Variants in FRMD4B observed in about 807,000 individuals in gnomAD.
FRMD4B encodes FERM domain containing 4B.
A neutral mutation model predicts 141.5 loss-of-function variants in FRMD4B; 74 were observed. The ratio of observed to expected loss-of-function variants is 0.52; its 90% CI spans 0.43 to 0.63. The LOEUF (loss-of-function observed/expected upper bound fraction) is 0.63. Ranked by LOEUF, FRMD4B falls within the 30% of genes least tolerant of loss-of-function variation. The probability of loss-of-function intolerance (pLI) is 0.00; values close to 1 mark genes in which losing one functional copy is unlikely to be tolerated. For missense variants in FRMD4B, 1,366 were observed against 1,253.4 expected (o/e 1.09, Z -1.36); for synonymous variants, 506 against 467.9 (o/e 1.08, Z -1.05).
At chr3:69,509,447 T>C (rs1706653717) in intron 1 of FRMD4B, among the ~76,000 whole-genome samples, 1 of 152,220 alleles carries the variant, frequency 6.6e-6, no homozygotes, top group Non-Finnish European at 1.5e-5. Flanking sequence ...GAATCAAGTA[T>C]GACAAGTTAT....
intron 1 of FRMD4B, among the ~76,000 whole-genome samples, chr3:69,467,856 G>A (rs1329796146): frequency 1.3e-5 from 2 of 152,162 alleles, no homozygotes; most frequent in African/African-American, 4.8e-5. Flanking sequence ...CTAAAAAGGA[G>A]GGTGCTCTTT....
intron 3 of FRMD4B, among the ~76,000 whole-genome samples, chr3:69,305,954 C>G (rs1701378646): frequency 6.6e-6 from 1 of 152,146 alleles, no homozygotes; most frequent in African/African-American, 2.4e-5. Flanking sequence ...CTTGCTAGTA[C>G]TGGTTACCTC....
At chr3:69,332,277 C>A (rs1283464800) in intron 1 of FRMD4B, among the ~76,000 whole-genome samples, 1 of 152,172 alleles carries the variant, frequency 6.6e-6, no homozygotes, top group Non-Finnish European at 1.5e-5. Flanking sequence ...TCCATCATCA[C>A]CTCACCTGTC....
intron 1 of FRMD4B, among the ~76,000 whole-genome samples, chr3:69,465,390 A>G (rs1217982025): frequency 6.6e-6 from 1 of 151,692 alleles, no homozygotes; most frequent in Non-Finnish European, 1.5e-5. Flanking sequence ...TGACTGGATT[A>G]TTCTTTCTTT....
At chr3:69,431,736 G>T (rs928240683) in intron 2 of FRMD4B, among the ~76,000 whole-genome samples, 3 of 152,200 alleles carry the variant, frequency 2.0e-5, no homozygotes, top group African/African-American at 7.2e-5. Flanking sequence ...CAGAGTCGAC[G>T]TCCTTGACTG....
chr3:69,492,030 G>A lies in FRMD4B; in HGVS notation c.-129+50176C>T, dbSNP rs539660178. Among the ~76,000 whole-genome samples, 7 of 152,300 alleles carry A rather than the reference G, an allele frequency of 4.6e-5. No homozygotes were observed. The South Asian group carries it at 1.0e-3, about 23-fold the overall frequency. On this transcript the variant is annotated intron_variant, in intron 1 of 5. Transcript: ENST00000459638. The stretch of plus-strand genomic sequence containing the variant: ...AGACAGTCGGCCAAGAGCAAGTTTA[G>A]TATCAGCTTATCATAGGCTCTAGTC...
intron 1 of FRMD4B, among the ~76,000 whole-genome samples, chr3:69,453,284 C>T (rs1463699060): frequency 6.6e-6 from 1 of 152,200 alleles, no homozygotes; most frequent in Non-Finnish European, 1.5e-5. Context: ...ATCTGGCTGG[C>T]TCTGTGTCAG....
At chr3:69,304,497 A>AG (rs1293336683) in intron 3 of FRMD4B, among the ~76,000 whole-genome samples, 2 of 151,680 alleles carry the variant, frequency 1.3e-5, no homozygotes, top group East Asian at 3.9e-4. Context: ...AAAAAAAAAA[A>AG]AAAAAAAACA....
At chr3:69,396,834 G>A (rs1284812008) in intron 2 of FRMD4B, among the ~76,000 whole-genome samples, 1 of 152,134 alleles carries the variant, frequency 6.6e-6, no homozygotes, top group Non-Finnish European at 1.5e-5. Context: ...CTAAGTATGT[G>A]CCCCACAAAA....
In FRMD4B at chr3:69,302,294, A is replaced by C. The variant is rs777267193; in HGVS notation, c.416+49T>G. On this transcript the variant is annotated intron_variant, in intron 4 of 22. Transcript: ENST00000398540. Reference sequence around the variant, plus strand: ...GCAAAGAAAACACACAAAAACCCAAAAATAACAGCAAAAAAAGAGGGATGC... The same window carrying C: ...GCAAAGAAAACACACAAAAACCCAACAATAACAGCAAAAAAAGAGGGATGC... 11 of 1,013,944 alleles carry C rather than the reference A, an allele frequency of 1.1e-5. No individual in the cohort carries two copies. In the South Asian group the frequency reaches 1.5e-4, roughly 14 times the overall value. 62.8% of individuals were successfully genotyped at this position (1,013,944 alleles called of 1,614,324 possible).
chr3:69,430,556 T>C (rs1313755587), intron 2 of FRMD4B, among the ~76,000 whole-genome samples: 6 of 152,200 alleles, frequency 3.9e-5, no homozygotes, highest in Non-Finnish European at 1.5e-5. Flanking sequence ...GAGTACCTCG[T>C]ATATGGCAAT....
At chr3:69,375,753 C>T (rs1703956316) in intron 1 of FRMD4B, among the ~76,000 whole-genome samples, 1 of 152,120 alleles carries the variant, frequency 6.6e-6, no homozygotes, top group South Asian at 2.1e-4. Flanking sequence ...GACTTATTAC[C>T]TATTATAATA....
chr3:69,425,155 C>A (rs1434612948), intron 2 of FRMD4B, among the ~76,000 whole-genome samples: 1 of 152,196 alleles, frequency 6.6e-6, no homozygotes, highest in Admixed American at 6.5e-5. Context: ...TATAGTATTT[C>A]CATGATGCCT....
chr3:69,293,281 G>T (rs1268976131), intron 4 of FRMD4B, among the ~76,000 whole-genome samples: 1 of 151,676 alleles, frequency 6.6e-6, no homozygotes, highest in Non-Finnish European at 1.5e-5. Flanking sequence ...TTTATTTCTA[G>T]TGGTCACAAG....
intron 1 of FRMD4B, among the ~76,000 whole-genome samples, chr3:69,377,574 A>C (rs1704005078): frequency 6.6e-6 from 1 of 152,136 alleles, no homozygotes; most frequent in African/African-American, 2.4e-5. Context: ...CAGATCTCAA[A>C]CCCGTCTGGA....
intron 16 of FRMD4B, 80 bp downstream of exon 16, chr3:69,194,942 A>C: frequency 7.3e-7 from 1 of 1,368,228 alleles, no homozygotes; most frequent in Non-Finnish European, 1.0e-6. Context: ...AGACTCAAAA[A>C]CCAAAGGAAA....
At position 69,475,757 on chromosome 3, in the gene FRMD4B, T is replaced by C. The variant is rs563034954; in HGVS notation, c.-128-42996A>G. On this transcript the variant is annotated intron_variant, in intron 1 of 5. Coordinates refer to the FRMD4B transcript ENST00000459638. ...TGGCTGGGTCAAATGGTATTTCTAG[T>C]TCTAGATCCCTGGGAATCGCCACAC... is the stretch of plus-strand genomic sequence containing the variant. Among the ~76,000 whole-genome samples the C allele has an allele frequency of 6.2e-5, 9 of 144,036 alleles. 1 individual carries two copies. Among genetic ancestry groups the C allele is most frequent in the South Asian group, 4.4e-4 (2 of 4,518 alleles). 94.5% of individuals were successfully genotyped at this position (144,036 alleles called of 152,430 possible). A position where few individuals can be genotyped will look rare whatever the true frequency, so the allele number is the denominator to read the frequency against.
At chr3:69,469,720 A>G (rs554781056) in intron 1 of FRMD4B, among the ~76,000 whole-genome samples, 9 of 152,356 alleles carry the variant, frequency 5.9e-5, no homozygotes. Context: ...ACAAATAGAG[A>G]AAAATGATAG....
At chr3:69,542,130 G>A (rs1209742407) in intron 1 of FRMD4B, 1 of 151,986 alleles carries the variant, frequency 6.6e-6, no homozygotes, top group East Asian at 2.0e-4. Context: ...GGGGCGCACC[G>A]GGCGCGCCCG....
Sources: gnomAD v4.1 joint callset for allele counts (sites outside exome capture counted in the v4.1 genomes callset) on GRCh38, gnomAD v4.1.1 for gene constraint, MANE v1.5 for transcripts, NCBI Gene and HGNC (gene_info 2026-07-23, HGNC 2026-07-21) for gene names.